DAPK1: variants seen among roughly 807,000 people sequenced by gnomAD.
The protein encoded by DAPK1 is death associated protein kinase 1.
DAPK1 carries 56 observed loss-of-function variants against 144.9 expected under a neutral mutation model. The observed-to-expected ratio is 0.39, with a 90% CI of 0.31 to 0.48. The LOEUF (loss-of-function observed/expected upper bound fraction) is 0.48. Among genes scored for constraint, DAPK1 ranks in the 20% least tolerant of loss-of-function variants. The pLI is 0.95. For missense variants in DAPK1, 1,454 were observed against 1,875.4 expected (o/e 0.78, Z 4.15); for synonymous variants, 690 against 749.0 (o/e 0.92, Z 1.29).
chr9:87,706,176 G>A lies in DAPK1; in HGVS notation c.3105G>A (p.Leu1035=), dbSNP rs376214759. ...QSETVQDVLL[L]DPRWLCTNVL... is the part of the protein sequence containing the mutation. Reference sequence around the variant, plus strand: ...AAACAGTTCAGGACGTGCTGCTCCTGGACCCCCGCTGGCTCTGCACAAACG... The same window carrying A: ...AAACAGTTCAGGACGTGCTGCTCCTAGACCCCCGCTGGCTCTGCACAAACG... Residue 1035 remains leucine (L), a synonymous_variant, in exon 26 of 26, where the codon CTG becomes CTA. Coordinates refer to ENST00000408954, the MANE Select transcript of DAPK1 (RefSeq NM_004938.4). The surrounding 1 kb of genome is among the most constrained non-coding windows in gnomAD (Gnocchi z 9.0). 5 of 1,610,304 alleles carry A rather than the reference G, an allele frequency of 3.1e-6. No homozygotes were observed. The highest frequency in any genetic ancestry group is 3.4e-6 in the Non-Finnish European group (4 of 1,176,946).
At chr9:87,700,507 T>C (rs1825421777) in intron 24 of DAPK1, among the ~76,000 whole-genome samples, 1 of 152,210 alleles carries the variant, frequency 6.6e-6, no homozygotes, top group Non-Finnish European at 1.5e-5. Context: ...TTATTTATTT[T>C]ATTTTTTCAG....
intron 2 of DAPK1, among the ~76,000 whole-genome samples, chr9:87,560,192 C>T (rs970973917): frequency 5.3e-5 from 8 of 151,670 alleles, no homozygotes; most frequent in African/African-American, 9.7e-5. Context: ...GACGGGGTTT[C>T]GCCATGTTGA....
In DAPK1 at chr9:87,498,972, C is replaced by A; in HGVS notation, c.-106C>A. 1 of 846,680 alleles carries A rather than the reference C, an allele frequency of 1.2e-6. No individual in the cohort carries two copies. The highest frequency in any genetic ancestry group is 1.9e-5 in the Admixed American group (1 of 52,622). The allele number at this position is 846,680 out of a possible 1,614,324, so 52.4% of individuals were successfully genotyped here. On this transcript the variant is annotated splice_region_variant and 5_prime_UTR_variant, in exon 2 of 26. The change creates a new upstream start codon in the 5' untranslated region. Coordinates refer to ENST00000408954, the MANE Select transcript of DAPK1 (RefSeq NM_004938.4). Reference sequence around the variant, plus strand: ...TGCCTTTTTTTTTTCTTCAAAAGGACTGGAGACTGATGCATGAGGGGGCTA... The same window carrying A: ...TGCCTTTTTTTTTTCTTCAAAAGGAATGGAGACTGATGCATGAGGGGGCTA...
intron 18 of DAPK1, among the ~76,000 whole-genome samples, chr9:87,665,082 C>G (rs1831003849): frequency 1.3e-5 from 2 of 152,300 alleles, no homozygotes; most frequent in South Asian, 4.2e-4. Context: ...CTGGACCACC[C>G]TATTTTAAAT....
chr9:87,607,291 C>A (rs1828765394), intron 3 of DAPK1, among the ~76,000 whole-genome samples: 1 of 152,142 alleles, frequency 6.6e-6, no homozygotes, highest in South Asian at 2.1e-4. Flanking sequence ...GTCTTTAAGC[C>A]TACATTTCCT....
intron 2 of DAPK1, among the ~76,000 whole-genome samples, chr9:87,591,036 C>T (rs1210353105): frequency 6.6e-6 from 1 of 152,230 alleles, no homozygotes; most frequent in Non-Finnish European, 1.5e-5. Context: ...ATGAAAACTT[C>T]TTATTTACAA....
Position 87,706,695 on chromosome 9 carries a change from C to T in DAPK1, c.3624C>T (p.Cys1208=), listed in dbSNP as rs1183084659. 1.2e-6 allele frequency: 2 copies of T among 1,611,786 alleles called. No homozygotes were observed. The highest frequency in any genetic ancestry group is 3.3e-5 in the Admixed American group (2 of 59,984). Residue 1208 remains cysteine, a synonymous_variant, in exon 26 of 26, where the codon TGC becomes TGT. Transcript: ENST00000408954. The surrounding 1 kb of genome is among the most constrained non-coding windows in gnomAD (Gnocchi z 9.0). ...GCCTGGAGACGGAGAAGATCAAGTG[C>T]TGCCTGCTGCTGGACTCGGTGTGCA... ...VRGLETEKIK[C]CLLLDSVCST...
chr9:87,685,423 T>C (rs535859803), intron 20 of DAPK1, among the ~76,000 whole-genome samples: 1 of 152,344 alleles, frequency 6.6e-6, no homozygotes, highest in South Asian at 2.1e-4. Flanking sequence ...GTCACTTCTT[T>C]AGTGCCTCGC....
At chr9:87,661,257 G>A (rs565040206) in intron 18 of DAPK1, among the ~76,000 whole-genome samples, 1 of 152,236 alleles carries the variant, frequency 6.6e-6, no homozygotes, top group South Asian at 2.1e-4. Flanking sequence ...ACTGTGAGTA[G>A]TCCTGCAGTG....
chr9:87,639,126 T>A (rs911479552), intron 4 of DAPK1, among the ~76,000 whole-genome samples: 6 of 152,046 alleles, frequency 3.9e-5, no homozygotes, highest in African/African-American at 1.2e-4. Context: ...ACCAAGTGTT[T>A]CCTGGTGTCC....
chr9:87,654,440 T>A (rs1302106289), intron 17 of DAPK1, among the ~76,000 whole-genome samples: 1 of 152,250 alleles, frequency 6.6e-6, no homozygotes, highest in Non-Finnish European at 1.5e-5. Context: ...TATACTTTTA[T>A]GTACACTTAT....
intron 22 of DAPK1, among the ~76,000 whole-genome samples, chr9:87,697,513 ACT>A (rs1825302266): frequency 6.6e-6 from 1 of 152,152 alleles, no homozygotes; most frequent in Non-Finnish European, 1.5e-5. Flanking sequence ...GGCATTTCTC[ACT>A]TTTTTTCTAC....
At chr9:87,565,278 G>GA (rs1168216449) in intron 2 of DAPK1, among the ~76,000 whole-genome samples, 2 of 147,360 alleles carry the variant, frequency 1.4e-5, no homozygotes, top group Non-Finnish European at 2.9e-5. Flanking sequence ...AGAACTCAGG[G>GA]AGACAAGTTT....
At chr9:87,551,170 C>T (rs562642240) in intron 2 of DAPK1, among the ~76,000 whole-genome samples, 2 of 149,898 alleles carry the variant, frequency 1.3e-5, no homozygotes, top group South Asian at 2.1e-4. Context: ...TTTTTTGAGG[C>T]GGAGTCTCGC....
At chr9:87,511,130 TCTC>T (rs1046823303) in intron 2 of DAPK1, among the ~76,000 whole-genome samples, 23 of 152,146 alleles carry the variant, frequency 1.5e-4, no homozygotes, top group African/African-American at 4.6e-4. Flanking sequence ...CTCCCTCTCT[TCTC>T]CTCTGCCTGT....
chr9:87,561,319 G>C (rs1391767296), intron 2 of DAPK1, among the ~76,000 whole-genome samples: 1 of 152,110 alleles, frequency 6.6e-6, no homozygotes, highest in Non-Finnish European at 1.5e-5. Flanking sequence ...GAGGTCAGGA[G>C]ATCGAGACCA....
intron 2 of DAPK1, among the ~76,000 whole-genome samples, chr9:87,510,168 C>G (rs946288913): frequency 2.0e-5 from 3 of 152,168 alleles, no homozygotes; most frequent in Non-Finnish European, 1.5e-5. Context: ...CCCACCCCTT[C>G]GTTGGCTGGA....
At chr9:87,602,606 C>A (rs984005802) in intron 2 of DAPK1, among the ~76,000 whole-genome samples, 8 of 152,114 alleles carry the variant, frequency 5.3e-5, no homozygotes, top group African/African-American at 1.9e-4. Context: ...TGTGACTCTC[C>A]TGCCAGAAGG....
At chr9:87,574,858 T>C (rs1204652492) in intron 2 of DAPK1, among the ~76,000 whole-genome samples, 3 of 151,200 alleles carry the variant, frequency 2.0e-5, no homozygotes, top group Admixed American at 6.6e-5. Context: ...GAGGTGGAGG[T>C]TGCAGTGAGC....
Sources: allele counts gnomAD v4.1 joint callset (sites outside exome capture counted in the v4.1 genomes callset), GRCh38; gene constraint gnomAD v4.1.1; non-coding constraint Gnocchi (gnomAD v3.1); transcripts MANE v1.5; gene names NCBI Gene and HGNC (gene_info 2026-07-23, HGNC 2026-07-21).